Variants in EPC2 observed in about 807,000 individuals in gnomAD.
The protein encoded by EPC2 is enhancer of polycomb 2, also known as enhancer of polycomb homolog 2.
A neutral mutation model predicts 92.1 loss-of-function variants in EPC2; 14 were observed. The observed-to-expected ratio is 0.15, with a 90% CI of 0.10 to 0.24. The LOEUF (loss-of-function observed/expected upper bound fraction) is 0.24. EPC2 is among the 10% of genes least tolerant of loss of function. The pLI is 1.00. For missense variants in EPC2, 755 were observed against 971.5 expected, an observed-to-expected ratio of 0.78 and a Z score of 2.96; for synonymous variants, 340 against 334.7, an observed-to-expected ratio of 1.02 and a Z score of -0.17.
chr2:148,736,786 C>T (rs1682765879), intron 2 of EPC2, among the ~76,000 whole-genome samples: 1 of 151,960 alleles, frequency 6.6e-6, no homozygotes, highest in South Asian at 2.1e-4. Flanking sequence ...AACTCTTTCA[C>T]CAACAATATA....
At chr2:148,702,852 G>A (rs939695808) in intron 2 of EPC2, among the ~76,000 whole-genome samples, 3 of 151,410 alleles carry the variant, frequency 2.0e-5, no homozygotes, top group Non-Finnish European at 2.9e-5. Context: ...TTTTCTTTAA[G>A]CTCATCAGGC....
chr2:148,760,961 T>C (rs1683292250), intron 4 of EPC2, among the ~76,000 whole-genome samples: 1 of 152,210 alleles, frequency 6.6e-6, no homozygotes, highest in East Asian at 1.9e-4. Flanking sequence ...GAGGTGGTAG[T>C]GGTCTATTTT....
chr2:148,707,154 T>C (rs996184166), intron 2 of EPC2, among the ~76,000 whole-genome samples: 3 of 152,222 alleles, frequency 2.0e-5, no homozygotes, highest in African/African-American at 7.2e-5. Context: ...TGGAGGAAGA[T>C]CTACCAAGCA....
At chr2:148,667,263 T>C (rs1033541653) in intron 1 of EPC2, among the ~76,000 whole-genome samples, 12 of 152,186 alleles carry the variant, frequency 7.9e-5, no homozygotes, top group African/African-American at 2.7e-4. Context: ...CAGGGTCACA[T>C]AGCAACTGAG....
intron 13 of EPC2, 41 bp downstream of exon 13, chr2:148,785,042 G>A (rs1041307388): frequency 9.0e-6 from 13 of 1,444,098 alleles, no homozygotes; most frequent in Middle Eastern, 3.6e-4. Context: ...CCTTTGTGCT[G>A]GCTGTCCTGT....
chr2:148,740,522 TCTCA>T (rs142735318), intron 2 of EPC2, among the ~76,000 whole-genome samples: 248 of 152,284 alleles, frequency 1.6e-3, no homozygotes, highest in Non-Finnish European at 2.1e-3. Context: ...TCCTATCAAT[TCTCA>T]CTATTAATTT....
chr2:148,664,022 TAAGA>T (rs751050754), intron 1 of EPC2, among the ~76,000 whole-genome samples: 6 of 152,124 alleles, frequency 3.9e-5, no homozygotes, highest in Non-Finnish European at 7.4e-5. Flanking sequence ...TACTTGGAAC[TAAGA>T]AAGATCCTAA....
intron 1 of EPC2, among the ~76,000 whole-genome samples, chr2:148,686,639 C>A (rs560413151): frequency 6.6e-6 from 1 of 152,180 alleles, no homozygotes; most frequent in Non-Finnish European, 1.5e-5. Flanking sequence ...GTCAAAATTA[C>A]TTTTAATCCA....
At chr2:148,707,871 G>A (rs906866753) in intron 2 of EPC2, among the ~76,000 whole-genome samples, 8 of 152,216 alleles carry the variant, frequency 5.3e-5, no homozygotes, top group East Asian at 1.9e-4. Context: ...AATTTGTAGC[G>A]CTAAACACCC....
At chr2:148,673,177 T>C (rs1161463606) in intron 1 of EPC2, among the ~76,000 whole-genome samples, 1 of 152,216 alleles carries the variant, frequency 6.6e-6, no homozygotes, top group East Asian at 1.9e-4. Context: ...TGTGTGTTGT[T>C]GGGCTATTCT....
At chr2:148,715,443 G>T (rs1682238473) in intron 2 of EPC2, among the ~76,000 whole-genome samples, 1 of 152,112 alleles carries the variant, frequency 6.6e-6, no homozygotes, top group South Asian at 2.1e-4. Flanking sequence ...TCTGCATATG[G>T]CTAGCCAGTT....
intron 1 of EPC2, among the ~76,000 whole-genome samples, chr2:148,669,920 TG>T (rs1463559600): frequency 3.3e-5 from 5 of 152,158 alleles, no homozygotes; most frequent in African/African-American, 7.2e-5. Context: ...CTCTTTTGGA[TG>T]GTTGTTTCTC....
chr2:148,783,039 C>T (rs1683786375), intron 11 of EPC2, among the ~76,000 whole-genome samples: 1 of 152,196 alleles, frequency 6.6e-6, no homozygotes, highest in Admixed American at 6.5e-5. Context: ...TGGAATGCAA[C>T]ACTCCTGTGA....
At chr2:148,684,999 T>C (rs983272968) in intron 1 of EPC2, among the ~76,000 whole-genome samples, 1 of 152,230 alleles carries the variant, frequency 6.6e-6, no homozygotes, top group Non-Finnish European at 1.5e-5. Flanking sequence ...TTTGCACATC[T>C]CTTCACATAC....
chr2:148,678,683 T>G (rs1434133840), intron 1 of EPC2, among the ~76,000 whole-genome samples: 1 of 152,140 alleles, frequency 6.6e-6, no homozygotes, highest in Non-Finnish European at 1.5e-5. Flanking sequence ...CTGCTCCGAG[T>G]GCAGGGCTGG....
At position 148,702,182 on chromosome 2, in the gene EPC2, T is replaced by C. The variant is rs557406560; in HGVS notation, c.313+11809T>C. On this transcript the variant is annotated intron_variant, in intron 2 of 13. Coordinates refer to ENST00000258484, the MANE Select transcript of EPC2 (RefSeq NM_015630.4). ...TTTTGTAAACTGATTTCTTATCATT[T>C]TAGAAACTTGAAAGCTGTAAAAAGG... 2.6e-5 allele frequency among the ~76,000 whole-genome samples: 4 copies of C among 152,298 alleles called. No individual in the cohort carries two copies. In the South Asian group the frequency reaches 8.3e-4, roughly 32 times the overall value.
intron 7 of EPC2, among the ~76,000 whole-genome samples, chr2:148,768,297 T>C (rs1181647376): frequency 1.3e-5 from 2 of 152,180 alleles, no homozygotes; most frequent in Non-Finnish European, 2.9e-5. Flanking sequence ...TGGGTGGAAA[T>C]TTATCTAAAA....
intron 2 of EPC2, among the ~76,000 whole-genome samples, chr2:148,738,489 CTTAAAT>C (rs1466416974): frequency 6.6e-6 from 1 of 152,110 alleles, no homozygotes; most frequent in African/African-American, 2.4e-5. Context: ...ATTATAAAGC[CTTAAAT>C]TTAAAGTACT....
intron 3 of EPC2, among the ~76,000 whole-genome samples, chr2:148,753,316 A>T (rs1225859870): frequency 6.6e-6 from 1 of 152,224 alleles, no homozygotes; most frequent in East Asian, 1.9e-4. Flanking sequence ...AAGAATAAGT[A>T]TTCTCTAGTA....
Sources: gnomAD v4.1 joint callset for allele counts (sites outside exome capture counted in the v4.1 genomes callset) on GRCh38, gnomAD v4.1.1 for gene constraint, MANE v1.5 for transcripts, NCBI Gene and HGNC (gene_info 2026-07-23, HGNC 2026-07-21) for gene names.